The following ADTRP variants were observed in gnomAD, a reference collection of about 807,000 sequenced individuals.
ADTRP encodes the protein androgen dependent TFPI regulating protein, also known as androgen-dependent TFPI-regulating protein.
In ADTRP, 20 loss-of-function variants were observed where a neutral mutation model predicts 27.0. The observed-to-expected ratio is 0.74, with a 90% CI of 0.52 to 1.08. ADTRP has a LOEUF of 1.08. Among genes scored for constraint, ADTRP ranks in the 50% least tolerant of loss-of-function variants. The pLI, the probability that ADTRP is intolerant of heterozygous loss-of-function variation, is 0.00. For missense variants in ADTRP, 251 were observed against 275.0 expected, an observed-to-expected ratio of 0.91 and a Z score of 0.62; for synonymous variants, 101 against 105.2, an observed-to-expected ratio of 0.96 and a Z score of 0.25.
chr6:11,748,792 A>C (rs1455462666), intron 3 of ADTRP, among the ~76,000 whole-genome samples: 1 of 152,190 alleles, frequency 6.6e-6, no homozygotes, highest in African/African-American at 2.4e-5. Context: ...GTCCTGTAGG[A>C]GAATGAACTT....
intron 3 of ADTRP, among the ~76,000 whole-genome samples, chr6:11,760,285 T>A (rs1011016086): frequency 1.1e-4 from 16 of 152,166 alleles, no homozygotes; most frequent in Admixed American, 6.5e-5. Context: ...CTTGAACAGG[T>A]CACCAGCGAG....
At chr6:11,773,853 A>G (rs1763863806) in intron 1 of ADTRP, among the ~76,000 whole-genome samples, 1 of 152,166 alleles carries the variant, frequency 6.6e-6, no homozygotes, top group Non-Finnish European at 1.5e-5. Flanking sequence ...GAACCTACCA[A>G]AATGCTGTCA....
At chr6:11,732,754 G>A (rs1561748472) in intron 4 of ADTRP, among the ~76,000 whole-genome samples, 1 of 152,086 alleles carries the variant, frequency 6.6e-6, no homozygotes, top group Non-Finnish European at 1.5e-5. Context: ...CTGGTGACAG[G>A]TCTCCATCCC....
intron 3 of ADTRP, among the ~76,000 whole-genome samples, chr6:11,742,509 T>C (rs1420893304): frequency 6.6e-6 from 1 of 152,152 alleles, no homozygotes; most frequent in African/African-American, 2.4e-5. Flanking sequence ...AGCAATATGT[T>C]CCCAGACAGA....
chr6:11,767,091 G>T (rs187520277), intron 2 of ADTRP, among the ~76,000 whole-genome samples: 1 of 152,330 alleles, frequency 6.6e-6, no homozygotes, highest in African/African-American at 2.4e-5. Flanking sequence ...CTTGGCTATA[G>T]CCAGACTTGG....
At position 11,766,287 on chromosome 6, in the gene ADTRP, A is replaced by G. The variant is rs1012941093; in HGVS notation, c.377T>C (p.Leu126Pro). 1 of 1,611,008 alleles carries G rather than the reference A, an allele frequency of 6.2e-7. No homozygotes were observed. The highest frequency in any genetic ancestry group is 8.5e-7 in the Non-Finnish European group (1 of 1,178,256). ...KVLDTVIPVW[L>P]NHAMHTFIFP... ...CCCCTCACTCACCATTGCATGATTC[A>G]GCCACACGGGGATGACAGTATCTAG... The change falls in exon 3 of 6, where the codon CTG becomes CCG. Residue 126 changes from leucine (L) to proline (P), a missense_variant. By Grantham distance (98) the Leu-to-Pro change is moderately conservative. Transcript: ENST00000414691.
intron 1 of ADTRP, among the ~76,000 whole-genome samples, chr6:11,776,332 G>A (rs532127762): frequency 6.6e-6 from 1 of 152,268 alleles, no homozygotes; most frequent in South Asian, 2.1e-4. Context: ...GTACCAAGTC[G>A]CAGCTTTTTA....
intron 5 of ADTRP, 122 bp from the exon 6 acceptor site, chr6:11,714,634 G>T: frequency 1.8e-6 from 2 of 1,102,994 alleles, no homozygotes; most frequent in Non-Finnish European, 2.6e-6. Context: ...TTTTCCCAAG[G>T]TGACAAGATG....
chr6:11,762,809 C>A (rs11969598), intron 3 of ADTRP, among the ~76,000 whole-genome samples: 1 of 152,154 alleles, frequency 6.6e-6, no homozygotes, highest in East Asian at 1.9e-4. Context: ...TCCTTTGGGG[C>A]GACCTGAACA....
chr6:11,776,035 A>G (rs1763946425), intron 1 of ADTRP, among the ~76,000 whole-genome samples: 1 of 43,034 alleles, frequency 2.3e-5, no homozygotes. Flanking sequence ...TAGGAGACAC[A>G]ACCATTAATC....
intron 4 of ADTRP, among the ~76,000 whole-genome samples, chr6:11,727,113 C>T (rs1221962677): frequency 6.6e-6 from 1 of 152,204 alleles, no homozygotes; most frequent in African/African-American, 2.4e-5. Flanking sequence ...AGCTCCGCTT[C>T]CTGGGTTCAG....
intron 1 of ADTRP, chr6:11,770,076 G>A (rs1763718354): frequency 1.3e-6 from 2 of 1,551,022 alleles, no homozygotes; most frequent in African/African-American, 2.7e-5. Flanking sequence ...CAGCAGTCCT[G>A]TTCTTGAGCT....
chr6:11,764,084 AC>A (rs1474395843), intron 3 of ADTRP, among the ~76,000 whole-genome samples: 4 of 152,192 alleles, frequency 2.6e-5, no homozygotes, highest in Non-Finnish European at 4.4e-5. Context: ...GATTCAGGTT[AC>A]TTGAATGACC....
intron 3 of ADTRP, chr6:11,736,330 C>G (rs1397398051): frequency 6.5e-6 from 1 of 153,194 alleles, no homozygotes. Context: ...CATGCACATC[C>G]ATGCACTCAC....
chr6:11,757,722 A>G (rs1247701766), intron 3 of ADTRP, among the ~76,000 whole-genome samples: 1 of 152,214 alleles, frequency 6.6e-6, no homozygotes, highest in Non-Finnish European at 1.5e-5. Flanking sequence ...TCATGTGATG[A>G]CAGGGCAGAG....
At chr6:11,722,101 A>AT (rs2113873869) in intron 5 of ADTRP, among the ~76,000 whole-genome samples, 1 of 152,260 alleles carries the variant, frequency 6.6e-6, no homozygotes, top group East Asian at 1.9e-4. Flanking sequence ...ACTAGTTAGA[A>AT]TTATATGTCA....
chr6:11,741,394 T>C (rs1007276040), intron 3 of ADTRP, among the ~76,000 whole-genome samples: 1 of 152,218 alleles, frequency 6.6e-6, no homozygotes, highest in Non-Finnish European at 1.5e-5. Flanking sequence ...AAATTTGTCA[T>C]AATAAGACAT....
intron 3 of ADTRP, among the ~76,000 whole-genome samples, chr6:11,759,517 ATACTT>A (rs1376067612): frequency 6.6e-6 from 1 of 152,082 alleles, no homozygotes; most frequent in African/African-American, 2.4e-5. Flanking sequence ...AAAAAAGAAA[ATACTT>A]AGAATAGAGG....
At chr6:11,723,631 T>G in intron 4 of ADTRP, 131 bp from the exon 5 acceptor site, 2 of 1,012,372 alleles carry the variant, frequency 2.0e-6, no homozygotes, top group Non-Finnish European at 2.9e-6. Context: ...TCAACAGCTG[T>G]AGTATTCCCA....
Sources: allele counts gnomAD v4.1 joint callset (sites outside exome capture counted in the v4.1 genomes callset), GRCh38; gene constraint gnomAD v4.1.1; transcripts MANE v1.5; gene names NCBI Gene and HGNC (gene_info 2026-07-23, HGNC 2026-07-21).